The following GABRB1 variants were observed in gnomAD, a reference collection of about 807,000 sequenced individuals.
GABRB1 encodes gamma-aminobutyric acid type A receptor subunit beta1, also known as gamma-aminobutyric acid receptor subunit beta-1.
GABRB1 carries 17 observed loss-of-function variants against 51.6 expected under a neutral mutation model. The observed-to-expected ratio is 0.33, with a 90% confidence interval of 0.23 to 0.49. GABRB1 has a LOEUF of 0.49. GABRB1 is among the 20% of genes least tolerant of loss of function. GABRB1 has a pLI of 0.99. For synonymous variants in GABRB1, 247 were observed against 218.9 expected (o/e 1.13, Z -1.14); for missense variants, 410 against 600.6 (o/e 0.68, Z 3.32).
At chr4:47,203,219 G>T (rs1314500009) in intron 4 of GABRB1, among the ~76,000 whole-genome samples, 2 of 152,126 alleles carry the variant, frequency 1.3e-5, no homozygotes, top group Admixed American at 6.6e-5. Flanking sequence ...TTATTTCCCT[G>T]CTCTTCCACT....
intron 4 of GABRB1, among the ~76,000 whole-genome samples, chr4:47,307,853 A>G (rs1724526257): frequency 6.6e-6 from 1 of 152,052 alleles, no homozygotes; most frequent in African/African-American, 2.4e-5. Context: ...TCATTCTGTT[A>G]GTAATTAAAA....
At chr4:47,252,461 C>T (rs1418360313) in intron 4 of GABRB1, among the ~76,000 whole-genome samples, 5 of 149,662 alleles carry the variant, frequency 3.3e-5, no homozygotes, top group Non-Finnish European at 7.4e-5. Context: ...CAATCTGGAG[C>T]TAAAGTTCAC....
At chr4:47,018,202 TG>T (rs1474487718) in intron 1 of GABRB1, among the ~76,000 whole-genome samples, 1 of 151,336 alleles carries the variant, frequency 6.6e-6, no homozygotes, top group African/African-American at 2.4e-5. Context: ...CTTTTTTTTT[TG>T]GTTTTGGAGA....
intron 5 of GABRB1, among the ~76,000 whole-genome samples, chr4:47,333,612 G>A (rs1220633401): frequency 6.6e-6 from 1 of 152,094 alleles, no homozygotes; most frequent in Non-Finnish European, 1.5e-5. Flanking sequence ...CCACTCAGAA[G>A]GCTGAGGCAG....
rs1305298443 is a variant in GABRB1 at position 47,254,361 on chromosome 4, G to GGTTTTTTTTT, written c.462-65766_462-65765insGTTTTTTTTT. On this transcript the variant is annotated intron_variant, in intron 4 of 8. Coordinates refer to ENST00000295454, the MANE Select transcript of GABRB1 (RefSeq NM_000812.4). Reference sequence around the variant, plus strand: ...ATGGTGGATGATGTTTCTTTTCTTTGTTTTTTTTTTTTTTTTTTTTTTTTT... The same window carrying GGTTTTTTTTT: ...ATGGTGGATGATGTTTCTTTTCTTTGGTTTTTTTTTTTTTTTTTTTTTTTTTTTTTTTTTT... 1.5e-4 allele frequency among the ~76,000 whole-genome samples: 12 copies of GGTTTTTTTTT among 80,966 alleles called. 3 individuals carry two copies. Among genetic ancestry groups the GGTTTTTTTTT allele is most frequent in the South Asian group, 8.4e-4 (2 of 2,370 alleles). 53.1% of individuals were successfully genotyped at this position (80,966 alleles called of 152,430 possible). A position where few individuals can be genotyped will look rare whatever the true frequency, so the allele number is the denominator to read the frequency against.
intron 4 of GABRB1, among the ~76,000 whole-genome samples, chr4:47,309,711 C>T (rs1218659265): frequency 6.6e-6 from 1 of 151,816 alleles, no homozygotes; most frequent in Non-Finnish European, 1.5e-5. Flanking sequence ...AATGAAATTG[C>T]TACATACAAT....
intron 3 of GABRB1, among the ~76,000 whole-genome samples, chr4:47,109,848 A>G (rs1257679895): frequency 1.3e-5 from 2 of 152,104 alleles, no homozygotes; most frequent in African/African-American, 2.4e-5. Context: ...CAAGAATTAA[A>G]CCAGAACTTT....
intron 4 of GABRB1, among the ~76,000 whole-genome samples, chr4:47,239,847 A>G (rs1446847043): frequency 6.6e-5 from 10 of 152,162 alleles, no homozygotes; most frequent in Non-Finnish European, 1.3e-4. Context: ...GTGTTCTGGC[A>G]TGGCTGACAA....
At chr4:47,352,438 C>G (rs1047471434) in intron 5 of GABRB1, among the ~76,000 whole-genome samples, 1 of 152,132 alleles carries the variant, frequency 6.6e-6, no homozygotes, top group African/African-American at 2.4e-5. Flanking sequence ...CATCCTGATA[C>G]CAAAGCCGGG....
chr4:47,032,304 G>T (rs1725353761), intron 2 of GABRB1, 113 bp from the exon 3 acceptor site: 2 of 985,084 alleles, frequency 2.0e-6, no homozygotes, highest in Admixed American at 4.6e-5. Context: ...GTGGTGGGGG[G>T]AGCAGGGAGG....
At chr4:47,411,436 C>A (rs1035741053) in intron 8 of GABRB1, among the ~76,000 whole-genome samples, 3 of 152,098 alleles carry the variant, frequency 2.0e-5, no homozygotes, top group Non-Finnish European at 4.4e-5. Context: ...ATATAATACT[C>A]TTGAAATAAC....
chr4:47,291,430 C>A (rs1017555575), intron 4 of GABRB1, among the ~76,000 whole-genome samples: 1 of 152,124 alleles, frequency 6.6e-6, no homozygotes, highest in Admixed American at 6.5e-5. Flanking sequence ...GGTGTCGGAG[C>A]CCCCCGACCC....
chr4:47,189,881 C>T (rs1309075958), intron 4 of GABRB1, among the ~76,000 whole-genome samples: 1 of 151,882 alleles, frequency 6.6e-6, no homozygotes, highest in Non-Finnish European at 1.5e-5. Context: ...GCAGTGAGCT[C>T]CCAGGCTCTG....
At chr4:47,254,361 GTT>G (rs56838956) in intron 4 of GABRB1, among the ~76,000 whole-genome samples, 42,332 of 81,094 alleles carry the variant, frequency 0.52, 14,660 homozygotes, top group Middle Eastern at 0.78. Flanking sequence ...TCTTTTCTTT[GTT>G]TTTTTTTTTT....
rs886167472 is a variant in GABRB1, at chr4:47,307,087, C to T, written c.462-13040C>T. ...CACCAGAAGTATGACTCCTAATTTT[C>T]CCAAAGGGACAAAAAAATCCAATGT... On this transcript the variant is annotated intron_variant, in intron 4 of 8. Transcript: ENST00000295454. Among the ~76,000 whole-genome samples, 11 of 152,170 alleles carry T rather than the reference C, an allele frequency of 7.2e-5. No individual in the cohort carries two copies. In the South Asian group the frequency reaches 2.3e-3, roughly 32 times the overall value.
At chr4:47,283,261 A>C (rs372472449) in intron 4 of GABRB1, among the ~76,000 whole-genome samples, 86 of 150,856 alleles carry the variant, frequency 5.7e-4, no homozygotes, top group African/African-American at 2.1e-3. Flanking sequence ...CAAACAAGAC[A>C]CTAAGTTTGG....
intron 4 of GABRB1, among the ~76,000 whole-genome samples, chr4:47,252,904 C>T (rs1722048013): frequency 6.6e-6 from 1 of 152,076 alleles, no homozygotes; most frequent in Admixed American, 6.5e-5. Context: ...AAATTACTTA[C>T]CAAAACACAA....
chr4:47,198,278 G>A (rs1166729611), intron 4 of GABRB1, among the ~76,000 whole-genome samples: 1 of 152,198 alleles, frequency 6.6e-6, no homozygotes, highest in Non-Finnish European at 1.5e-5. Flanking sequence ...ACAGAAGGTA[G>A]TATGGTACAT....
intron 4 of GABRB1, among the ~76,000 whole-genome samples, chr4:47,186,869 A>G (rs1719203535): frequency 6.6e-6 from 1 of 151,926 alleles, no homozygotes; most frequent in African/African-American, 2.4e-5. Flanking sequence ...ATAAAGTGCT[A>G]GACTTTATTC....
Sources: allele counts gnomAD v4.1 joint callset (sites outside exome capture counted in the v4.1 genomes callset), GRCh38; gene constraint gnomAD v4.1.1; transcripts MANE v1.5; gene names NCBI Gene and HGNC (gene_info 2026-07-23, HGNC 2026-07-21).